Variants in SYT1 observed in about 807,000 individuals in gnomAD.
The protein encoded by SYT1 is synaptotagmin-1.
A neutral mutation model predicts 44.8 loss-of-function variants in SYT1; 8 were observed. The observed-to-expected ratio is 0.18, with a 90% CI of 0.10 to 0.32. The LOEUF is 0.32. SYT1 is among the 10% of genes least tolerant of loss of function. The pLI, the probability that SYT1 is intolerant of heterozygous loss-of-function variation, is 1.00. For synonymous variants in SYT1, 154 were observed against 188.8 expected (o/e 0.82, Z 1.51); for missense variants, 286 against 509.3 (o/e 0.56, Z 4.22).
chr12:79,190,403 G>A (rs1873042201), intron 3 of SYT1, among the ~76,000 whole-genome samples: 1 of 151,958 alleles, frequency 6.6e-6, no homozygotes, highest in Admixed American at 6.6e-5. Context: ...AGGCCTATAA[G>A]AGCACCATAA....
At chr12:78,980,822 T>A (rs1469718147) in intron 2 of SYT1, among the ~76,000 whole-genome samples, 2 of 152,114 alleles carry the variant, frequency 1.3e-5, no homozygotes, top group Non-Finnish European at 2.9e-5. Context: ...TAAATTTGCT[T>A]ATAAATAAAT....
chr12:79,037,641 G>C (rs533501731), intron 2 of SYT1, among the ~76,000 whole-genome samples: 1 of 151,742 alleles, frequency 6.6e-6, no homozygotes, highest in South Asian at 2.1e-4. Context: ...AAATTCTTCT[G>C]CCCTAAATAT....
At chr12:78,941,230 G>T (rs1052223652) in intron 1 of SYT1, among the ~76,000 whole-genome samples, 2 of 150,822 alleles carry the variant, frequency 1.3e-5, no homozygotes, top group Non-Finnish European at 1.5e-5. Flanking sequence ...CTGCCACCAC[G>T]CCTGGCTAAG....
intron 4 of SYT1, among the ~76,000 whole-genome samples, chr12:79,244,715 A>AAG: frequency 7.8e-6 from 1 of 127,868 alleles, no homozygotes; most frequent in East Asian, 2.7e-4. Flanking sequence ...AAAAAAGAAG[A>AAG]AAAAAAAAAA....
chr12:79,392,329 G>A (rs1424639551), intron 9 of SYT1: 1 of 152,106 alleles, frequency 6.6e-6, no homozygotes, highest in Admixed American at 6.5e-5. Flanking sequence ...AAAACTACAT[G>A]TCATAGGAAA....
intron 9 of SYT1, among the ~76,000 whole-genome samples, chr12:79,381,864 A>T (rs1286032818): frequency 6.6e-6 from 1 of 152,156 alleles, no homozygotes; most frequent in African/African-American, 2.4e-5. Flanking sequence ...ACTGACATGA[A>T]CAGATAAAAT....
intron 4 of SYT1, among the ~76,000 whole-genome samples, chr12:79,246,114 C>T (rs1268312748): frequency 6.6e-6 from 1 of 151,802 alleles, no homozygotes; most frequent in African/African-American, 2.4e-5. Context: ...GTATTTTAAT[C>T]ATAAGATTAA....
chr12:78,955,619 G>T (rs2137312570), intron 1 of SYT1: 1 of 152,102 alleles, frequency 6.6e-6, no homozygotes, highest in East Asian at 1.9e-4. Flanking sequence ...ATTCATGAGG[G>T]CAGAGCCCCC....
chr12:79,342,997 GAAGT>G (rs1344947695), intron 8 of SYT1, among the ~76,000 whole-genome samples: 1 of 152,200 alleles, frequency 6.6e-6, no homozygotes, highest in East Asian at 1.9e-4. Flanking sequence ...ATGAAGAAAA[GAAGT>G]TAGTTATAAC....
intron 8 of SYT1, among the ~76,000 whole-genome samples, chr12:79,345,661 T>C (rs1381670941): frequency 1.3e-5 from 2 of 152,198 alleles, no homozygotes; most frequent in East Asian, 3.9e-4. Context: ...TCTGGTCCAT[T>C]AGATGTAAAT....
chr12:79,089,521 A>G (rs1877626891), intron 3 of SYT1, among the ~76,000 whole-genome samples: 1 of 151,716 alleles, frequency 6.6e-6, no homozygotes, highest in Admixed American at 6.6e-5. Context: ...GAAAAGAAAA[A>G]AAAAAAGGCT....
chr12:79,115,971 G>A (rs1427195228), intron 3 of SYT1, among the ~76,000 whole-genome samples: 2 of 152,206 alleles, frequency 1.3e-5, no homozygotes, highest in Non-Finnish European at 2.9e-5. Flanking sequence ...AGCAAACAGA[G>A]TAGATTCTAA....
intron 8 of SYT1, among the ~76,000 whole-genome samples, chr12:79,316,260 A>G (rs1881079789): frequency 6.6e-6 from 1 of 152,158 alleles, no homozygotes; most frequent in South Asian, 2.1e-4. Context: ...ATACCATGGA[A>G]TCATGTTATT....
At chr12:79,383,809 C>G (rs1372842934) in intron 9 of SYT1, among the ~76,000 whole-genome samples, 3 of 152,140 alleles carry the variant, frequency 2.0e-5, no homozygotes, top group African/African-American at 7.2e-5. Context: ...GCACTTGGGC[C>G]TTTCTAAAAG....
intron 9 of SYT1, among the ~76,000 whole-genome samples, chr12:79,409,393 A>T (rs1868339366): frequency 6.6e-6 from 1 of 152,164 alleles, no homozygotes; most frequent in East Asian, 1.9e-4. Flanking sequence ...AAAGTATTGC[A>T]GTATCAGTTT....
chr12:79,103,556 G>T (rs1592751206), intron 3 of SYT1, among the ~76,000 whole-genome samples: 2 of 151,752 alleles, frequency 1.3e-5, no homozygotes, highest in Middle Eastern at 6.9e-3. Context: ...TTTTATGTAA[G>T]TAAATATGAA....
intron 1 of SYT1, among the ~76,000 whole-genome samples, chr12:78,909,522 C>A (rs1178373541): frequency 6.6e-6 from 1 of 151,804 alleles, no homozygotes; most frequent in African/African-American, 2.4e-5. Context: ...CCCCTTCTAT[C>A]CAGAGAGAAT....
At chr12:79,097,744 T>C (rs1461175553) in intron 3 of SYT1, among the ~76,000 whole-genome samples, 1 of 152,034 alleles carries the variant, frequency 6.6e-6, no homozygotes, top group Non-Finnish European at 1.5e-5. Flanking sequence ...GTAGTAAAAC[T>C]ATAACAACTG....
At chr12:79,044,116 C>A (rs1252154548) in intron 2 of SYT1, among the ~76,000 whole-genome samples, 3 of 151,962 alleles carry the variant, frequency 2.0e-5, no homozygotes, top group Non-Finnish European at 4.4e-5. Context: ...TGGAGTTGCT[C>A]TTCTCGAGGA....
Sources: gnomAD v4.1 joint callset for allele counts (sites outside exome capture counted in the v4.1 genomes callset) on GRCh38, gnomAD v4.1.1 for gene constraint, MANE v1.5 for transcripts, NCBI Gene and HGNC (gene_info 2026-07-23, HGNC 2026-07-21) for gene names.